The following MYT1L variants were observed in gnomAD, a reference collection of about 807,000 sequenced individuals.
MYT1L encodes myelin transcription factor 1 like, also known as myelin transcription factor 1-like protein.
MYT1L carries 12 observed loss-of-function variants against 126.7 expected under a neutral mutation model. That is an observed-to-expected ratio of 0.09 (90% CI 0.06 to 0.15). MYT1L has a LOEUF of 0.15. Among genes scored for constraint, MYT1L ranks in the 10% least tolerant of loss-of-function variants. The pLI, the probability that MYT1L is intolerant of heterozygous loss-of-function variation, is 1.00. For missense variants in MYT1L, 979 were observed against 1,585.2 expected (o/e 0.62, Z 6.49); for synonymous variants, 541 against 604.2 (o/e 0.90, Z 1.53).
At chr2:1,797,172 C>A (rs996212307) in intron 23 of MYT1L, among the ~76,000 whole-genome samples, 3 of 152,172 alleles carry the variant, frequency 2.0e-5, no homozygotes, top group Non-Finnish European at 4.4e-5. Context: ...GCAGACCCCA[C>A]AGGCACCTCG....
intron 2 of MYT1L, among the ~76,000 whole-genome samples, chr2:2,263,991 C>CT (rs1225844929): frequency 1.3e-5 from 2 of 152,084 alleles, no homozygotes; most frequent in Non-Finnish European, 2.9e-5. Context: ...ACCGCTAATA[C>CT]TTAAGTGATA....
chr2:1,982,863 G>C (rs927455070), intron 5 of MYT1L, among the ~76,000 whole-genome samples: 4 of 152,146 alleles, frequency 2.6e-5, no homozygotes, highest in African/African-American at 9.7e-5. Context: ...GTAGTTTAGG[G>C]GAGCACCTGT....
intron 4 of MYT1L, among the ~76,000 whole-genome samples, chr2:2,002,338 T>C (rs758598306): frequency 1.2e-4 from 18 of 152,220 alleles, no homozygotes; most frequent in African/African-American, 2.4e-4. Context: ...TCACCACTTA[T>C]GGTAATAAGA....
At chr2:2,305,806 C>T (rs1040117969) in intron 1 of MYT1L, 2 of 152,104 alleles carry the variant, frequency 1.3e-5, no homozygotes, top group Non-Finnish European at 2.9e-5. Flanking sequence ...AACCAGATCT[C>T]ATGAGAACTC....
At chr2:2,271,748 C>A (rs2095267640) in intron 2 of MYT1L, among the ~76,000 whole-genome samples, 1 of 152,188 alleles carries the variant, frequency 6.6e-6, no homozygotes, top group South Asian at 2.1e-4. Flanking sequence ...CTCACTCTGG[C>A]ATTGCTGAGT....
At position 2,315,160 on chromosome 2, in the gene MYT1L, T is replaced by G. The variant is rs1313459353; in HGVS notation, c.-521+15807A>C. Among the ~76,000 whole-genome samples, 3 of 152,184 alleles carry G rather than the reference T, an allele frequency of 2.0e-5. No individual in the cohort carries two copies. In the East Asian group the frequency reaches 5.8e-4, roughly 29 times the overall value. Reference sequence around the variant, plus strand: ...TGTGTCAACTGTCCCTGAAAACTTTTGGGGGAATTGTTGATATTATAACCT... The same window carrying G: ...TGTGTCAACTGTCCCTGAAAACTTTGGGGGGAATTGTTGATATTATAACCT... On this transcript the variant is annotated intron_variant, in intron 1 of 24. Transcript: ENST00000647738.
intron 2 of MYT1L, among the ~76,000 whole-genome samples, chr2:2,237,290 C>A (rs911979035): frequency 2.6e-5 from 4 of 152,148 alleles, no homozygotes; most frequent in Admixed American, 2.6e-4. Flanking sequence ...TGATAACCAG[C>A]ACTTTTCACA....
chr2:2,113,204 T>C (rs891563267), intron 3 of MYT1L, among the ~76,000 whole-genome samples: 6 of 152,198 alleles, frequency 3.9e-5, no homozygotes, highest in African/African-American at 1.4e-4. Context: ...TTATGTTTGA[T>C]AGAACAGAAT....
Position 1,979,323 on chromosome 2 carries a change from G to C in MYT1L, c.90-96C>G. 8.2e-7 allele frequency: 1 copy of C among 1,223,278 alleles called. No individual in the cohort carries two copies. Among genetic ancestry groups the C allele is most frequent in the Non-Finnish European group, 1.2e-6 (1 of 842,286 alleles). The allele number at this position is 1,223,278 out of a possible 1,614,324, so 75.8% of individuals were successfully genotyped here. ...AGAGAGAAGGAGGGCGGCTCAGACA[G>C]AGGAGAGAAATCACACAATCCAAAG... On this transcript the variant is annotated intron_variant, in intron 7 of 24. Coordinates refer to ENST00000647738, the MANE Select transcript of MYT1L (RefSeq NM_001303052.2). The surrounding 1 kb of genome is among the most constrained non-coding windows in gnomAD (Gnocchi z 4.0).
rs188930822 is a variant in MYT1L at position 1,969,592 on chromosome 2, C to T, written c.152+9573G>A. On this transcript the variant is annotated intron_variant, in intron 8 of 24. Coordinates refer to ENST00000647738, the MANE Select transcript of MYT1L (RefSeq NM_001303052.2). ...AACCCCGGCTCTAGGAAGGCGGCCC[C>T]GCCTCCCACTCTGGACGGGGCTTAA... is the stretch of plus-strand genomic sequence containing the variant. Among the ~76,000 whole-genome samples the T allele has an allele frequency of 3.8e-3, 574 of 152,302 alleles. 3 individuals carry two copies. The highest frequency in any genetic ancestry group is 6.0e-3 in the Non-Finnish European group (408 of 68,034).
chr2:2,119,696 T>C (rs968713337), intron 3 of MYT1L, among the ~76,000 whole-genome samples: 2 of 152,188 alleles, frequency 1.3e-5, no homozygotes, highest in African/African-American at 4.8e-5. Flanking sequence ...GTTAACATCA[T>C]GATTCGCATT....
At chr2:1,927,900 A>G (rs1270823047) in intron 9 of MYT1L, among the ~76,000 whole-genome samples, 1 of 147,806 alleles carries the variant, frequency 6.8e-6, no homozygotes, top group African/African-American at 2.6e-5. Flanking sequence ...ATGGTGTTTT[A>G]ATAGCAATCG....
intron 2 of MYT1L, among the ~76,000 whole-genome samples, chr2:2,249,365 T>A (rs929054744): frequency 6.6e-5 from 10 of 151,956 alleles, no homozygotes; most frequent in African/African-American, 2.4e-4. Flanking sequence ...ATGAAATAAA[T>A]TGAAGAGGAT....
rs2096282232 is a variant in MYT1L at position 2,331,217 on chromosome 2, G to T, written c.-771C>A. 1 of 152,060 alleles carries T rather than the reference G, an allele frequency of 6.6e-6. No individual in the cohort carries two copies. The highest frequency in any genetic ancestry group is 1.5e-5 in the Non-Finnish European group (1 of 68,024). 9.4% of individuals were successfully genotyped at this position (152,060 alleles called of 1,614,324 possible). On this transcript the variant is annotated 5_prime_UTR_variant, in exon 1 of 25. Coordinates refer to ENST00000647738, the MANE Select transcript of MYT1L (RefSeq NM_001303052.2). Reference sequence around the variant, plus strand: ...ACCAACAATGAGCAAAAAACCCGGGGTGCTTCAACAAGACTGCAGGGAAAA... The same window carrying T: ...ACCAACAATGAGCAAAAAACCCGGGTTGCTTCAACAAGACTGCAGGGAAAA...
At chr2:2,041,932 T>A (rs567256869) in intron 4 of MYT1L, among the ~76,000 whole-genome samples, 1 of 152,364 alleles carries the variant, frequency 6.6e-6, no homozygotes, top group South Asian at 2.1e-4. Context: ...GAAATAGTTT[T>A]GTGGAGCATC....
Position 1,929,018 on chromosome 2 carries a change from T to C in MYT1L, c.506-5755A>G, listed in dbSNP as rs902115788. Among the ~76,000 whole-genome samples, 3 of 151,976 alleles carry C rather than the reference T, an allele frequency of 2.0e-5. No individual in the cohort carries two copies. Among genetic ancestry groups the C allele is most frequent in the Non-Finnish European group, 4.4e-5 (3 of 67,992 alleles). On this transcript the variant is annotated intron_variant, in intron 9 of 24. Transcript: ENST00000647738. This position sits in a 1 kb window ranked among gnomAD's most constrained non-coding sequence, Gnocchi z 4.7. ...GGACAGGCCTGGACCCCCTGACTCT[T>C]ATGCAGGCAGTGGTCGCATGTTTAT...
intron 21 of MYT1L, among the ~76,000 whole-genome samples, chr2:1,833,753 G>A (rs2040483724): frequency 6.6e-6 from 1 of 152,176 alleles, no homozygotes; most frequent in African/African-American, 2.4e-5. Context: ...GAAAGACCTT[G>A]CCAACCCTAA....
chr2:2,221,367 A>G (rs1403770102), intron 2 of MYT1L, among the ~76,000 whole-genome samples: 3 of 152,114 alleles, frequency 2.0e-5, no homozygotes, highest in Non-Finnish European at 4.4e-5. Flanking sequence ...TTTGCTAGGT[A>G]AACAGAAATC....
intron 2 of MYT1L, among the ~76,000 whole-genome samples, chr2:2,273,561 T>G (rs1378231970): frequency 2.6e-5 from 4 of 152,134 alleles, no homozygotes; most frequent in Non-Finnish European, 5.9e-5. Context: ...CTGGAGGGAA[T>G]GGGAAGCCAC....
Sources: gnomAD v4.1 joint callset for allele counts (sites outside exome capture counted in the v4.1 genomes callset) on GRCh38, gnomAD v4.1.1 for gene constraint, Gnocchi (gnomAD v3.1) non-coding constraint, MANE v1.5 for transcripts, NCBI Gene and HGNC (gene_info 2026-07-23, HGNC 2026-07-21) for gene names.